ZSWIM2: variants seen among roughly 807,000 people sequenced by gnomAD.
ZSWIM2 encodes E3 ubiquitin-protein ligase ZSWIM2.
A neutral mutation model predicts 48.4 loss-of-function variants in ZSWIM2; 38 were observed. The ratio of observed to expected loss-of-function variants is 0.79; its 90% CI spans 0.61 to 1.03. The LOEUF (loss-of-function observed/expected upper bound fraction) is 1.03. Ranked by LOEUF, ZSWIM2 falls within the 50% of genes least tolerant of loss-of-function variation. The probability of loss-of-function intolerance (pLI) is 0.00; values close to 1 mark genes in which losing one functional copy is unlikely to be tolerated. For synonymous variants in ZSWIM2, 240 were observed against 251.3 expected (o/e 0.96, Z 0.42); for missense variants, 776 against 730.2 (o/e 1.06, Z -0.72).
chr2:186,830,251 A>G (rs1691674380), intron 7 of ZSWIM2, among the ~76,000 whole-genome samples: 1 of 152,076 alleles, frequency 6.6e-6, no homozygotes, highest in Admixed American at 6.6e-5. Context: ...GCATGGTGGC[A>G]GGTGCCTGTA....
In ZSWIM2 at chr2:186,828,260, G is replaced by A; in HGVS notation, c.1626C>T (p.Ser542=). The A allele has an allele frequency of 5.6e-6, 9 of 1,613,582 alleles. No individual in the cohort carries two copies. Among genetic ancestry groups the A allele is most frequent in the Non-Finnish European group, 7.6e-6 (9 of 1,179,792 alleles). The change falls in exon 9 of 9, where the codon AGC becomes AGT. Residue 542 remains serine, a synonymous_variant. Coordinates refer to ENST00000295131, the MANE Select transcript of ZSWIM2 (RefSeq NM_182521.3). ...TACATTTACAGCCTTTGGTCATCCG[G>A]CTTAGACTAGTGTGAAATTTTCCAC... is the stretch of plus-strand genomic sequence containing the variant. The part of the protein sequence containing the change: ...CISGKFHTSL[S]RMTKGCKCNN...
intron 4 of ZSWIM2, among the ~76,000 whole-genome samples, chr2:186,838,538 A>G (rs2105819541): frequency 6.7e-6 from 1 of 150,286 alleles, no homozygotes; most frequent in East Asian, 1.9e-4. Context: ...AAATTACTCT[A>G]CCCTTGTTAC....
At chr2:186,833,263 C>G in intron 6 of ZSWIM2, 31 bp from the exon 7 acceptor site, 1 of 1,111,664 alleles carries the variant, frequency 9.0e-7, no homozygotes, top group East Asian at 2.7e-5. Flanking sequence ...TGTTACTTTG[C>G]AAAGTCGTGG....
chr2:186,833,140 T>C lies in ZSWIM2; in HGVS notation c.921A>G (p.Ser307=). The change falls in exon 7 of 9, where the codon TCA becomes TCG. Residue 307 remains serine, a synonymous_variant. Coordinates refer to ENST00000295131, the MANE Select transcript of ZSWIM2 (RefSeq NM_182521.3). ...DTKNEIEEKM[S]HFQEKQGQVY... is the part of the protein sequence containing the mutation. ...CTCACCCTTGCTTTTCTTGAAAATGTGACATCTTTTCTTCAATCTCATTTT... is the reference window on the plus strand; with the variant it reads ...CTCACCCTTGCTTTTCTTGAAAATGCGACATCTTTTCTTCAATCTCATTTT... 1 of 1,498,956 alleles carries C rather than the reference T, an allele frequency of 6.7e-7. No individual in the cohort carries two copies. The highest frequency in any genetic ancestry group is 8.9e-7 in the Non-Finnish European group (1 of 1,119,098). 92.9% of individuals were successfully genotyped at this position (1,498,956 alleles called of 1,614,324 possible).
rs1486695593 is a variant in ZSWIM2 at position 186,847,799 on chromosome 2, T to C, written c.166-4A>G. Reference sequence around the variant, plus strand: ...CGTGAGGATTTCCTAGAAAAACCTTTAAAGGAAAAATGCATACTTAAAAAG... The same window carrying C: ...CGTGAGGATTTCCTAGAAAAACCTTCAAAGGAAAAATGCATACTTAAAAAG... On this transcript the variant is annotated splice_region_variant and splice_polypyrimidine_tract_variant and intron_variant, in intron 1 of 8. Transcript: ENST00000295131. 1 of 1,602,140 alleles carries C rather than the reference T, an allele frequency of 6.2e-7. No individual in the cohort carries two copies. Among genetic ancestry groups the C allele is most frequent in the Non-Finnish European group, 8.5e-7 (1 of 1,174,126 alleles).
intron 1 of ZSWIM2, 103 bp from the exon 2 acceptor site, chr2:186,847,898 A>T: frequency 2.7e-6 from 2 of 730,342 alleles, no homozygotes; most frequent in Non-Finnish European, 2.2e-6. Flanking sequence ...AGTTTAGGTG[A>T]TTCAAAAAGG....
At chr2:186,829,619 C>A in intron 8 of ZSWIM2, 108 bp downstream of exon 8, 1 of 1,144,176 alleles carries the variant, frequency 8.7e-7, no homozygotes, top group East Asian at 2.4e-5. Context: ...ATGTGAACAC[C>A]TCTGTACAGA....
intron 7 of ZSWIM2, 68 bp downstream of exon 7, chr2:186,833,050 CTT>C (rs1691731136): frequency 1.5e-6 from 1 of 645,784 alleles, no homozygotes; most frequent in Non-Finnish European, 2.5e-6. Flanking sequence ...ATAAATAAAA[CTT>C]ATTCAAATTG....
chr2:186,846,806 C>CATATATATATATATATATATATAT (rs1388154833), intron 2 of ZSWIM2, among the ~76,000 whole-genome samples: 82 of 43,266 alleles, frequency 1.9e-3, no homozygotes, highest in African/African-American at 7.0e-3. Flanking sequence ...TACACACACA[C>CATATATATATATATATATATATAT]ACACATATAT....
chr2:186,839,186 A>G lies in ZSWIM2; in HGVS notation c.284-17T>C, dbSNP rs1254758514. On this transcript the variant is annotated splice_polypyrimidine_tract_variant and intron_variant, in intron 3 of 8. Coordinates refer to ENST00000295131, the MANE Select transcript of ZSWIM2 (RefSeq NM_182521.3). ...GTAAAGCAGCTAGTGAGAAATCCCA[A>G]AGTATTAAAATCCAGTCATAAAATT... 2 of 1,607,978 alleles carry G rather than the reference A, an allele frequency of 1.2e-6. No homozygotes were observed. The highest frequency in any genetic ancestry group is 1.3e-5 in the African/African-American group (1 of 74,662).
chr2:186,848,736 A>G (rs554432518), intron 1 of ZSWIM2: 5 of 476,212 alleles, frequency 1.0e-5, no homozygotes, highest in Non-Finnish European at 1.9e-5. Context: ...CTTTTACAAG[A>G]GTTGCAGTTT....
At chr2:186,842,807 T>A (rs986533197) in intron 3 of ZSWIM2, among the ~76,000 whole-genome samples, 6 of 151,564 alleles carry the variant, frequency 4.0e-5, no homozygotes, top group African/African-American at 1.4e-4. Context: ...ATTTAGTTTT[T>A]AACTTAAAGC....
chr2:186,848,367 C>G (rs1017445526), intron 1 of ZSWIM2, among the ~76,000 whole-genome samples: 1 of 152,098 alleles, frequency 6.6e-6, no homozygotes, highest in Non-Finnish European at 1.5e-5. Context: ...TAAGTCAACT[C>G]CTAGGAGGTA....
intron 3 of ZSWIM2, among the ~76,000 whole-genome samples, chr2:186,840,261 C>T (rs1691880685): frequency 6.6e-6 from 1 of 151,518 alleles, no homozygotes; most frequent in South Asian, 2.1e-4. Flanking sequence ...AAATATTGTG[C>T]TTTGGGGAAT....
intron 5 of ZSWIM2, among the ~76,000 whole-genome samples, chr2:186,835,926 T>C (rs549620409): frequency 6.6e-6 from 1 of 152,072 alleles, no homozygotes; most frequent in East Asian, 1.9e-4. Flanking sequence ...GTAGGGTCAC[T>C]AGTGGGCAGG....
At chr2:186,840,317 A>G (rs1691881639) in intron 3 of ZSWIM2, among the ~76,000 whole-genome samples, 1 of 151,740 alleles carries the variant, frequency 6.6e-6, no homozygotes, top group Non-Finnish European at 1.5e-5. Flanking sequence ...AAAATTTCAT[A>G]AAAGAAGCTG....
intron 8 of ZSWIM2, among the ~76,000 whole-genome samples, chr2:186,829,323 T>G (rs949280593): frequency 2.0e-5 from 3 of 152,148 alleles, no homozygotes; most frequent in Admixed American, 6.6e-5. Flanking sequence ...TCAAGTAGTA[T>G]TATGCTGATT....
At chr2:186,836,045 T>C (rs1357375254) in intron 5 of ZSWIM2, among the ~76,000 whole-genome samples, 2 of 152,172 alleles carry the variant, frequency 1.3e-5, no homozygotes, top group Non-Finnish European at 2.9e-5. Flanking sequence ...ATCAACAACA[T>C]ACCTAAGCAA....
In ZSWIM2 at chr2:186,849,065, G is replaced by A. The variant is rs750113363; in HGVS notation, c.66C>T (p.His22=). ...TGCTGCTACTCAGCGCCTGGTCTTG[G>A]TGCCAGCTGAGCCTCTCGCTCAAGT... ...RRHLSERLSW[H]QDQALSSSIY... is the part of the protein sequence containing the mutation. The change falls in exon 1 of 9, where the codon CAC becomes CAT. Residue 22 remains histidine (H), a synonymous_variant. Transcript: ENST00000295131. The A allele has an allele frequency of 5.6e-6, 9 of 1,614,142 alleles. No homozygotes were observed. Among genetic ancestry groups the A allele is most frequent in the Non-Finnish European group, 6.8e-6 (8 of 1,180,006 alleles).
Sources: allele counts gnomAD v4.1 joint callset (sites outside exome capture counted in the v4.1 genomes callset), GRCh38; gene constraint gnomAD v4.1.1; transcripts MANE v1.5; gene names NCBI Gene and HGNC (gene_info 2026-07-23, HGNC 2026-07-21).